The following MAN1C1 variants were observed in gnomAD, a reference collection of about 807,000 sequenced individuals.
MAN1C1 encodes mannosidase alpha class 1C member 1, also known as mannosyl-oligosaccharide 1,2-alpha-mannosidase IC.
MAN1C1 carries 49 observed loss-of-function variants against 71.5 expected under a neutral mutation model. The ratio of observed to expected loss-of-function variants is 0.69; its 90% CI spans 0.54 to 0.87. The LOEUF is 0.87. MAN1C1 is among the 40% of genes least tolerant of loss of function. The pLI, the probability that MAN1C1 is intolerant of heterozygous loss-of-function variation, is 0.00. For missense variants in MAN1C1, 743 were observed against 835.0 expected, an observed-to-expected ratio of 0.89 and a Z score of 1.36; for synonymous variants, 352 against 343.7, an observed-to-expected ratio of 1.02 and a Z score of -0.27.
chr1:25,618,865 T>G (rs1352554190), intron 1 of MAN1C1, among the ~76,000 whole-genome samples: 1 of 152,196 alleles, frequency 6.6e-6, no homozygotes, highest in Non-Finnish European at 1.5e-5. Context: ...GTAAGCAACC[T>G]ACAAACCAGA....
At chr1:25,755,787 G>C (rs1307757639) in intron 5 of MAN1C1, among the ~76,000 whole-genome samples, 1 of 152,190 alleles carries the variant, frequency 6.6e-6, no homozygotes, top group Non-Finnish European at 1.5e-5. Flanking sequence ...GCCAGGGTGG[G>C]AAGGGGCATT....
chr1:25,621,240 G>A (rs2045203315), intron 1 of MAN1C1, among the ~76,000 whole-genome samples: 1 of 152,266 alleles, frequency 6.6e-6, no homozygotes, highest in Non-Finnish European at 1.5e-5. Flanking sequence ...CAATGGTGTG[G>A]TGGTAGTGGT....
At chr1:25,707,586 T>C (rs2046541472) in intron 2 of MAN1C1, among the ~76,000 whole-genome samples, 1 of 152,204 alleles carries the variant, frequency 6.6e-6, no homozygotes. Context: ...ACTTCGCCTC[T>C]TCCTCCTTAT....
In MAN1C1 at chr1:25,778,901, A is replaced by G. The variant is rs1239755467; in HGVS notation, c.1477+577A>G. ...GTCCGATGCTAGAATCAGAGGTCAC[A>G]TTTGAGAGCCTGAGCCTGGCTCCTC... On this transcript the variant is annotated intron_variant, in intron 9 of 11. Transcript: ENST00000374332. The surrounding 1 kb of genome is among the most constrained non-coding windows in gnomAD (Gnocchi z 5.5). 6.6e-6 allele frequency among the ~76,000 whole-genome samples: 1 copy of G among 151,714 alleles called. No homozygotes were observed. The highest frequency in any genetic ancestry group is 2.4e-5 in the African/African-American group (1 of 41,258).
intron 1 of MAN1C1, among the ~76,000 whole-genome samples, chr1:25,661,534 G>A (rs1171390483): frequency 1.3e-5 from 2 of 152,166 alleles, no homozygotes; most frequent in African/African-American, 4.8e-5. Context: ...TGCCTCCATT[G>A]TGGCAGGATC....
chr1:25,641,801 GGAGAC>G (rs1474936263), intron 1 of MAN1C1, among the ~76,000 whole-genome samples: 1 of 152,174 alleles, frequency 6.6e-6, no homozygotes, highest in East Asian at 1.9e-4. Flanking sequence ...GAAAAAAGCT[GGAGAC>G]AAGAGTCAAA....
At chr1:25,659,488 CTT>C (rs1266306415) in intron 1 of MAN1C1, among the ~76,000 whole-genome samples, 4 of 152,222 alleles carry the variant, frequency 2.6e-5, no homozygotes, top group Admixed American at 2.6e-4. Flanking sequence ...CAGAACATGA[CTT>C]TTAGAATCCC....
At chr1:25,655,621 G>C (rs2045753213) in intron 1 of MAN1C1, among the ~76,000 whole-genome samples, 1 of 152,110 alleles carries the variant, frequency 6.6e-6, no homozygotes, top group South Asian at 2.1e-4. Context: ...TTAGAAGGCA[G>C]ACTCTTCCTC....
chr1:25,778,069 C>T lies in MAN1C1; in HGVS notation c.1258-36C>T, dbSNP rs2047642094. 6.8e-7 allele frequency: 1 copy of T among 1,474,564 alleles called. No homozygotes were observed. Among genetic ancestry groups the T allele is most frequent in the East Asian group, 2.3e-5 (1 of 43,230 alleles). The allele number at this position is 1,474,564 out of a possible 1,614,324, so 91.3% of individuals were successfully genotyped here. ...CCCCCCTTCTCTGTGCCCTCCCACG[C>T]CCCTTCTCCCTGCCCAATCCCCACC... is the stretch of plus-strand genomic sequence containing the variant. On this transcript the variant is annotated intron_variant, in intron 8 of 11. Coordinates refer to ENST00000374332, the MANE Select transcript of MAN1C1 (RefSeq NM_020379.4). The surrounding 1 kb of genome is among the most constrained non-coding windows in gnomAD (Gnocchi z 5.5).
intron 1 of MAN1C1, among the ~76,000 whole-genome samples, chr1:25,679,337 C>T (rs2046113120): frequency 6.6e-6 from 1 of 152,140 alleles, no homozygotes; most frequent in South Asian, 2.1e-4. Context: ...AATTTGTTCA[C>T]CAGACTTCTT....
intron 7 of MAN1C1, among the ~76,000 whole-genome samples, chr1:25,767,057 G>A (rs960148794): frequency 6.6e-6 from 1 of 151,780 alleles, no homozygotes; most frequent in Non-Finnish European, 1.5e-5. Context: ...AGTGGGCAGG[G>A]GTGCACCCTG....
At chr1:25,656,438 C>T (rs1324050305) in intron 1 of MAN1C1, among the ~76,000 whole-genome samples, 1 of 152,096 alleles carries the variant, frequency 6.6e-6, no homozygotes, top group Non-Finnish European at 1.5e-5. Context: ...AATAAGGCTA[C>T]GGAGACATTT....
intron 1 of MAN1C1, among the ~76,000 whole-genome samples, chr1:25,639,797 A>G (rs1262267879): frequency 6.6e-6 from 1 of 152,198 alleles, no homozygotes; most frequent in African/African-American, 2.4e-5. Context: ...TGTTGAAACT[A>G]TGACCTGAAG....
intron 2 of MAN1C1, among the ~76,000 whole-genome samples, chr1:25,739,822 C>G (rs917245924): frequency 6.6e-6 from 1 of 152,124 alleles, no homozygotes; most frequent in South Asian, 2.1e-4. Flanking sequence ...CTGCTCTGGA[C>G]GTAGTCACCA....
rs1332532170 is a variant in MAN1C1 at position 25,764,306 on chromosome 1, G to A, written c.1141+339G>A. 6.6e-6 allele frequency among the ~76,000 whole-genome samples: 1 copy of A among 152,152 alleles called. No homozygotes were observed. The highest frequency in any genetic ancestry group is 1.5e-5 in the Non-Finnish European group (1 of 68,026). On this transcript the variant is annotated intron_variant, in intron 7 of 11. Coordinates refer to ENST00000374332, the MANE Select transcript of MAN1C1 (RefSeq NM_020379.4). This position sits in a 1 kb window ranked among gnomAD's most constrained non-coding sequence, Gnocchi z 4.4. ...CTCCTGCATTATACCCCAGGTTCTC[G>A]GGAGGGTCCCAGGTGGAGTCATCCA...
rs760123778 is a variant in MAN1C1, at chr1:25,686,401, G to A, written c.541-39G>A. The A allele has an allele frequency of 6.3e-6, 10 of 1,576,146 alleles. No individual in the cohort carries two copies. The East Asian group carries it at 6.7e-5, about 11-fold the overall frequency. ...CGGCCAGTGCGCACTGCCAGGAATC[G>A]TCACACTGAGGTTCTCTCTATGCTG... is the stretch of plus-strand genomic sequence containing the variant. On this transcript the variant is annotated intron_variant, in intron 1 of 11. Transcript: ENST00000374332.
rs1572113338 is a variant in MAN1C1 at position 25,641,412 on chromosome 1, G to A, written c.540+23075G>A. ...TTTCTGTGACATCATTTGAAGGCTA[G>A]TGGGTGATAACTTAGAGGAAGAGTT... On this transcript the variant is annotated intron_variant, in intron 1 of 11. Transcript: ENST00000374332. 2.0e-5 allele frequency among the ~76,000 whole-genome samples: 3 copies of A among 152,234 alleles called. No individual in the cohort carries two copies. The South Asian group carries it at 6.2e-4, about 31-fold the overall frequency.
intron 1 of MAN1C1, among the ~76,000 whole-genome samples, chr1:25,683,985 C>T (rs900137162): frequency 4.6e-5 from 7 of 152,172 alleles, no homozygotes; most frequent in South Asian, 2.1e-4. Flanking sequence ...AAACGGGCCA[C>T]GTTCCAAACC....
intron 5 of MAN1C1, 29 bp from the exon 6 acceptor site, chr1:25,758,563 G>A: frequency 1.3e-6 from 2 of 1,550,796 alleles, no homozygotes; most frequent in Admixed American, 1.7e-5. Context: ...CCAAAGGGGG[G>A]ATGACGGGGG....
Sources: gnomAD v4.1 joint callset for allele counts (sites outside exome capture counted in the v4.1 genomes callset) on GRCh38, gnomAD v4.1.1 for gene constraint, Gnocchi (gnomAD v3.1) non-coding constraint, MANE v1.5 for transcripts, NCBI Gene and HGNC (gene_info 2026-07-23, HGNC 2026-07-21) for gene names.